The following RNF141 variants were observed in gnomAD, a reference collection of about 807,000 sequenced individuals.
The protein encoded by RNF141 is C3HC4-like zinc finger protein.
A neutral mutation model predicts 27.4 loss-of-function variants in RNF141; 18 were observed. The observed-to-expected ratio is 0.66, with a 90% CI of 0.45 to 0.97. The LOEUF (loss-of-function observed/expected upper bound fraction) is 0.97, where lower values mean the gene tolerates loss of function less well. Among genes scored for constraint, RNF141 ranks in the 50% least tolerant of loss-of-function variants. The pLI, the probability that RNF141 is intolerant of heterozygous loss-of-function variation, is 0.00. For missense variants in RNF141, 230 were observed against 279.4 expected (o/e 0.82, Z 1.26); for synonymous variants, 97 against 96.6 (o/e 1.00, Z -0.02).
At chr11:10,529,986 G>A (rs1437066370) in intron 3 of RNF141, among the ~76,000 whole-genome samples, 5 of 152,090 alleles carry the variant, frequency 3.3e-5, no homozygotes, top group Non-Finnish European at 5.9e-5. Flanking sequence ...ACTTCAGAGC[G>A]CTCATGAATG....
intron 4 of RNF141, among the ~76,000 whole-genome samples, chr11:10,524,641 TTAGA>T (rs1303033206): frequency 3.9e-5 from 6 of 152,156 alleles, no homozygotes; most frequent in Admixed American, 3.9e-4. Flanking sequence ...AAAAGAAAGT[TTAGA>T]TAGAACAATA....
chr11:10,524,284 G>A (rs1214176396), intron 4 of RNF141, among the ~76,000 whole-genome samples: 6 of 152,040 alleles, frequency 3.9e-5, no homozygotes, highest in Admixed American at 6.6e-5. Context: ...GCGTGGTGGC[G>A]GGCGCCTGTA....
In RNF141 at chr11:10,539,691, C is replaced by CATATATAT. The variant is rs1554905298; in HGVS notation, c.-48+1423_-48+1430dup. On this transcript the variant is annotated intron_variant, in intron 1 of 5. Coordinates refer to ENST00000265981, the MANE Select transcript of RNF141 (RefSeq NM_016422.4). ...GATCTTGATCAGAAAAAGATACATA[C>CATATATAT]ATATATATTAGAGAGAGAAGGAGAG... is the stretch of plus-strand genomic sequence containing the variant. Among the ~76,000 whole-genome samples, 11 of 40,328 alleles carry CATATATAT rather than the reference C, an allele frequency of 2.7e-4. 2 individuals are homozygous for CATATATAT. Among genetic ancestry groups the CATATATAT allele is most frequent in the Non-Finnish European group, 5.7e-4 (11 of 19,136 alleles). The allele number at this position is 40,328 out of a possible 152,430, so 26.5% of individuals were successfully genotyped here. A position where few individuals can be genotyped will look rare whatever the true frequency, so the allele number is the denominator to read the frequency against.
chr11:10,530,479 G>T (rs1849975717), intron 3 of RNF141, among the ~76,000 whole-genome samples, 164 bp downstream of exon 3: 1 of 152,156 alleles, frequency 6.6e-6, no homozygotes. Context: ...ACAACTGTAA[G>T]ATTCAAACAG....
At chr11:10,522,979 A>G (rs934049046) in intron 4 of RNF141, among the ~76,000 whole-genome samples, 1 of 152,238 alleles carries the variant, frequency 6.6e-6, no homozygotes, top group African/African-American at 2.4e-5. Context: ...CTGCCTCAAG[A>G]AAGATTTTGG....
At chr11:10,523,455 G>A (rs1029988113) in intron 4 of RNF141, among the ~76,000 whole-genome samples, 3 of 152,140 alleles carry the variant, frequency 2.0e-5, no homozygotes, top group African/African-American at 4.8e-5. Context: ...GTTTATACAT[G>A]TACAACACTC....
chr11:10,525,169 T>A, intron 4 of RNF141, 23 bp downstream of exon 4: 1 of 1,502,394 alleles, frequency 6.7e-7, no homozygotes, highest in Non-Finnish European at 9.0e-7. Flanking sequence ...ATAAGTGAAA[T>A]ACAATACTTA....
chr11:10,529,049 G>C (rs1243638670), intron 3 of RNF141, among the ~76,000 whole-genome samples: 4 of 117,446 alleles, frequency 3.4e-5, no homozygotes, highest in Admixed American at 3.0e-4. Flanking sequence ...AGAAATAAAA[G>C]GTGTGGCAGA....
Position 10,512,551 on chromosome 11 carries a change from G to A in RNF141, c.*2365C>T, listed in dbSNP as rs1207937850. On this transcript the variant is annotated 3_prime_UTR_variant, in exon 6 of 6. Transcript: ENST00000265981. Reference sequence around the variant, plus strand: ...CCTGGAAAGATCCAAAACTCTGTAAGGTAACTCTGTTCACTTTTCAGAAAC... The same window carrying A: ...CCTGGAAAGATCCAAAACTCTGTAAAGTAACTCTGTTCACTTTTCAGAAAC... The A allele has an allele frequency of 3.9e-5, 6 of 152,422 alleles. No individual in the cohort carries two copies. The highest frequency in any genetic ancestry group is 8.8e-5 in the Non-Finnish European group (6 of 68,006). The allele number at this position is 152,422 out of a possible 1,614,324, so 9.4% of individuals were successfully genotyped here.
intron 4 of RNF141, among the ~76,000 whole-genome samples, chr11:10,523,479 ACCC>A (rs1167021937): frequency 6.6e-6 from 1 of 152,232 alleles, no homozygotes; most frequent in Non-Finnish European, 1.5e-5. Flanking sequence ...ACAATTCTAT[ACCC>A]TGTAAGTAAT....
intron 2 of RNF141, 113 bp downstream of exon 2, chr11:10,533,903 G>A (rs1850010892): frequency 1.1e-6 from 1 of 939,980 alleles, no homozygotes. Flanking sequence ...AATGCTAACT[G>A]AAAACATTAA....
In RNF141 at chr11:10,534,299, TTAAG is replaced by T. The variant is rs929388614; in HGVS notation, c.-47-98_-47-95del. The T allele has an allele frequency of 4.1e-5, 35 of 850,708 alleles. No individual in the cohort carries two copies. The Admixed American group carries it at 8.0e-4, about 19-fold the overall frequency. The allele number at this position is 850,708 out of a possible 1,614,324, so 52.7% of individuals were successfully genotyped here. A position where few individuals can be genotyped will look rare whatever the true frequency, so the allele number is the denominator to read the frequency against. On this transcript the variant is annotated intron_variant, in intron 1 of 5. Transcript: ENST00000265981. ...ACATAAAGAAAAACTAGGGATACCT[TTAAG>T]TGAGAGTTGAGTAGACCTACATGAG...
At chr11:10,539,909 G>A (rs191393401) in intron 1 of RNF141, among the ~76,000 whole-genome samples, 274 of 151,436 alleles carry the variant, frequency 1.8e-3, no homozygotes, top group Non-Finnish European at 3.1e-3. Context: ...GAAGGATCAG[G>A]CTACACACAT....
intron 3 of RNF141, among the ~76,000 whole-genome samples, chr11:10,529,082 T>C (rs1176988588): frequency 6.6e-6 from 1 of 152,222 alleles, no homozygotes; most frequent in Non-Finnish European, 1.5e-5. Context: ...ATTATCCAAA[T>C]ACCATTCCTT....
rs117417228 is a variant in RNF141 at position 10,529,139 on chromosome 11, C to G, written c.252+1504G>C. On this transcript the variant is annotated intron_variant, in intron 3 of 5. Coordinates refer to ENST00000265981, the MANE Select transcript of RNF141 (RefSeq NM_016422.4). The stretch of plus-strand genomic sequence containing the variant: ...TTATTTTGTTTTTGTGTCCACCATT[C>G]CCTGAAATGATGCAGGAGTCAATCC... 3.8e-3 allele frequency among the ~76,000 whole-genome samples: 584 copies of G among 152,276 alleles called. 3 individuals carry two copies. Among genetic ancestry groups the G allele is most frequent in the Middle Eastern group, 0.014 (4 of 294 alleles).
At position 10,513,687 on chromosome 11, in the gene RNF141, GT is replaced by G. The variant is rs11300664; in HGVS notation, c.*1228del. On this transcript the variant is annotated 3_prime_UTR_variant, in exon 6 of 6. Coordinates refer to ENST00000265981, the MANE Select transcript of RNF141 (RefSeq NM_016422.4). ...AAAAAGCCTCACTCTATTTTCTTGTGTTTTTTTTTTGATTAGGAGTCTCGTT... is the reference window on the plus strand; with the variant it reads ...AAAAAGCCTCACTCTATTTTCTTGTGTTTTTTTTTGATTAGGAGTCTCGTT... 75,248 of 150,250 alleles carry G rather than the reference GT, an allele frequency of 0.5. 19,139 individuals are homozygous for G. The highest frequency in any genetic ancestry group is 0.58 in the African/African-American group (23,614 of 40,954). 9.3% of individuals were successfully genotyped at this position (150,250 alleles called of 1,614,324 possible).
rs1476511981 is a variant in RNF141 at position 10,512,935 on chromosome 11, GTA to G, written c.*1979_*1980del. The G allele has an allele frequency of 4.6e-5, 7 of 152,146 alleles. No individual in the cohort carries two copies. 9.4% of individuals were successfully genotyped at this position (152,146 alleles called of 1,614,324 possible). A position where few individuals can be genotyped will look rare whatever the true frequency, so the allele number is the denominator to read the frequency against. ...AATAATATGACTTTTATATAGTGGGGTATAGGGTATGTGTGTATGCACACGTG... is the reference window on the plus strand; with the variant it reads ...AATAATATGACTTTTATATAGTGGGGTAGGGTATGTGTGTATGCACACGTG... On this transcript the variant is annotated 3_prime_UTR_variant, in exon 6 of 6. Transcript: ENST00000265981.
intron 4 of RNF141, among the ~76,000 whole-genome samples, chr11:10,520,282 AAC>A (rs1849878176): frequency 6.6e-6 from 1 of 152,202 alleles, no homozygotes; most frequent in African/African-American, 2.4e-5. Context: ...CTTACCTTAA[AAC>A]ACACATTATA....
rs1564865553 is a variant in RNF141, at chr11:10,519,092, GC to G, written c.483del (p.Arg162GlyfsTer34). 1 of 1,613,902 alleles carries G rather than the reference GC, an allele frequency of 6.2e-7. No individual in the cohort carries two copies. ...DEEECCICMD[G>X]RADLILPCAH... ...GCACAAGGCAGGATGAGGTCAGCCC[GC>G]CCATCCATACAGATACAACACTCCT... On this transcript the variant is annotated frameshift_variant, in exon 5 of 6. Coordinates refer to ENST00000265981, the MANE Select transcript of RNF141 (RefSeq NM_016422.4). LOFTEE classifies it high-confidence loss of function.
Sources: allele counts gnomAD v4.1 joint callset (sites outside exome capture counted in the v4.1 genomes callset), GRCh38; gene constraint gnomAD v4.1.1; transcripts MANE v1.5; gene names NCBI Gene and HGNC (gene_info 2026-07-23, HGNC 2026-07-21).